ADCY8: variants seen among roughly 807,000 people sequenced by gnomAD.
The protein encoded by ADCY8 is adenylate cyclase 8.
In ADCY8, 51 loss-of-function variants were observed where a neutral mutation model predicts 119.7. That is an observed-to-expected ratio of 0.43 (90% CI 0.34 to 0.54). The LOEUF (loss-of-function observed/expected upper bound fraction) is 0.54. Ranked by LOEUF, ADCY8 falls within the 20% of genes least tolerant of loss-of-function variation. The probability of loss-of-function intolerance (pLI) is 0.03; values close to 1 mark genes in which losing one functional copy is unlikely to be tolerated. For synonymous variants in ADCY8, 665 were observed against 651.0 expected (o/e 1.02, Z -0.33); for missense variants, 1,383 against 1,598.8 (o/e 0.87, Z 2.30).
chr8:131,031,495 C>G (rs1000217126), intron 1 of ADCY8, among the ~76,000 whole-genome samples: 2 of 152,004 alleles, frequency 1.3e-5, no homozygotes, highest in Non-Finnish European at 2.9e-5. Flanking sequence ...GTTTTTGGTC[C>G]TTGTTATGGC....
At chr8:130,822,504 A>T (rs1055618087) in intron 12 of ADCY8, among the ~76,000 whole-genome samples, 2 of 150,760 alleles carry the variant, frequency 1.3e-5, no homozygotes, top group Admixed American at 6.6e-5. Flanking sequence ...TCATCCATCC[A>T]TTCATGAATC....
chr8:130,846,043 A>G (rs991047451), intron 11 of ADCY8, among the ~76,000 whole-genome samples: 1 of 152,142 alleles, frequency 6.6e-6, no homozygotes, highest in African/African-American at 2.4e-5. Flanking sequence ...CAGGTGCTCT[A>G]TGCAAATGGA....
chr8:130,865,237 A>G (rs1336557986), intron 9 of ADCY8, among the ~76,000 whole-genome samples: 1 of 152,132 alleles, frequency 6.6e-6, no homozygotes, highest in East Asian at 1.9e-4. Context: ...TTTTGACTTA[A>G]AAAATGATGT....
At chr8:130,919,941 C>T (rs1820250063) in intron 5 of ADCY8, among the ~76,000 whole-genome samples, 1 of 151,902 alleles carries the variant, frequency 6.6e-6, no homozygotes, top group African/African-American at 2.4e-5. Context: ...CATTATTATC[C>T]CCATTTCCTC....
At chr8:130,802,212 T>A (rs1388409522) in intron 14 of ADCY8, among the ~76,000 whole-genome samples, 2 of 152,192 alleles carry the variant, frequency 1.3e-5, no homozygotes, top group Non-Finnish European at 2.9e-5. Flanking sequence ...GCACCAGCAT[T>A]GCCAAATCAT....
chr8:130,961,176 C>A (rs577721574), intron 2 of ADCY8, among the ~76,000 whole-genome samples: 1 of 152,126 alleles, frequency 6.6e-6, no homozygotes, highest in Non-Finnish European at 1.5e-5. Context: ...GTGGCGAGAT[C>A]TTGGTTCACT....
At chr8:130,902,970 C>T (rs1458636595) in intron 7 of ADCY8, among the ~76,000 whole-genome samples, 1 of 151,850 alleles carries the variant, frequency 6.6e-6, no homozygotes, top group East Asian at 1.9e-4. Context: ...AGGGAAAATC[C>T]ATATTAGAGC....
intron 10 of ADCY8, 48 bp from the exon 11 acceptor site, chr8:130,847,561 A>G: frequency 6.7e-7 from 1 of 1,489,592 alleles, no homozygotes; most frequent in Non-Finnish European, 9.2e-7. Flanking sequence ...CAAAAACAGG[A>G]ACAACAAAGT....
chr8:130,936,073 ATGTGTG>A (rs35028784), intron 5 of ADCY8, among the ~76,000 whole-genome samples: 43 of 147,180 alleles, frequency 2.9e-4, no homozygotes, highest in East Asian at 2.0e-3. Context: ...AAGCACTGAC[ATGTGTG>A]TGTGTGTGTG....
chr8:130,794,623 T>G (rs1430201655), intron 15 of ADCY8, among the ~76,000 whole-genome samples: 2 of 152,226 alleles, frequency 1.3e-5, no homozygotes, highest in African/African-American at 2.4e-5. Flanking sequence ...TAAAATGAAC[T>G]TTTAATGATC....
At chr8:130,830,958 T>C (rs576404199) in intron 12 of ADCY8, among the ~76,000 whole-genome samples, 21 of 152,298 alleles carry the variant, frequency 1.4e-4, no homozygotes, top group African/African-American at 5.1e-4. Flanking sequence ...GGAAATAGTA[T>C]CTTCTGGTGA....
intron 3 of ADCY8, among the ~76,000 whole-genome samples, chr8:130,944,645 C>T (rs568540882): frequency 2.0e-5 from 3 of 152,306 alleles, no homozygotes; most frequent in South Asian, 2.1e-4. Context: ...TGGATTATCT[C>T]TCCCAAAAAT....
chr8:130,844,274 C>T lies in ADCY8; in HGVS notation c.2502+3150G>A, dbSNP rs574614064. On this transcript the variant is annotated intron_variant, in intron 11 of 17. Transcript: ENST00000286355. ...TTGCATTCATTTCACAAACCTGTGC[C>T]TTTCTTTCTCCTTGACTACTCTCCA... Among the ~76,000 whole-genome samples the T allele has an allele frequency of 5.3e-5, 8 of 152,260 alleles. No homozygotes were observed. In the East Asian group the frequency reaches 1.5e-3, roughly 29 times the overall value.
intron 5 of ADCY8, among the ~76,000 whole-genome samples, chr8:130,919,453 G>A (rs1478984690): frequency 6.6e-6 from 1 of 152,182 alleles, no homozygotes; most frequent in African/African-American, 2.4e-5. Context: ...GAGTGCCAAT[G>A]TGGCCTCTCT....
chr8:131,022,505 C>G (rs1823704658), intron 1 of ADCY8, among the ~76,000 whole-genome samples: 1 of 152,126 alleles, frequency 6.6e-6, no homozygotes, highest in African/African-American at 2.4e-5. Flanking sequence ...GCCAAATTTT[C>G]TTTATCCAGT....
chr8:130,908,676 G>A (rs1819869574), intron 6 of ADCY8, among the ~76,000 whole-genome samples: 2 of 152,182 alleles, frequency 1.3e-5, no homozygotes, highest in South Asian at 4.1e-4. Context: ...CTGCAGTGAA[G>A]AAAGTTGGAC....
chr8:131,027,869 G>C (rs568167653), intron 1 of ADCY8, among the ~76,000 whole-genome samples: 1 of 152,298 alleles, frequency 6.6e-6, no homozygotes, highest in East Asian at 1.9e-4. Flanking sequence ...GAGGTGAATT[G>C]AAAAACAAGA....
At position 130,937,105 on chromosome 8, in the gene ADCY8, A is replaced by C. The variant is rs1820810545; in HGVS notation, c.1449T>G (p.Val483=). ...EPRQDHAHCC[V]EMGLSMIKTI... is the part of the protein sequence containing the mutation. ...TTTTGATCATGCTGAGACCCATTTC[A>C]ACACAGCAGTGGGCATGGTCCTGGC... Residue 483 remains valine, a synonymous_variant, in exon 5 of 18, where the codon GTT becomes GTG. Transcript: ENST00000286355. 6.2e-7 allele frequency: 1 copy of C among 1,613,674 alleles called. No individual in the cohort carries two copies. Among genetic ancestry groups the C allele is most frequent in the African/African-American group, 1.3e-5 (1 of 74,898 alleles).
At chr8:130,925,065 C>T (rs1820421627) in intron 5 of ADCY8, among the ~76,000 whole-genome samples, 1 of 151,632 alleles carries the variant, frequency 6.6e-6, no homozygotes, top group Non-Finnish European at 1.5e-5. Context: ...ATTAGCTGGG[C>T]CTGGTGGCAT....
Sources: allele counts gnomAD v4.1 joint callset (sites outside exome capture counted in the v4.1 genomes callset), GRCh38; gene constraint gnomAD v4.1.1; transcripts MANE v1.5; gene names NCBI Gene and HGNC (gene_info 2026-07-23, HGNC 2026-07-21).